Variants in DOCK8 observed in about 807,000 individuals in gnomAD.
DOCK8 encodes the protein dedicator of cytokinesis protein 8.
Under a neutral mutation model 245.6 loss-of-function variants are expected in DOCK8, and 141 were observed. The observed-to-expected ratio is 0.57, with a 90% CI of 0.50 to 0.66. DOCK8 has a LOEUF of 0.66. Ranked by LOEUF, DOCK8 falls within the 30% of genes least tolerant of loss-of-function variation. The pLI, the probability that DOCK8 is intolerant of heterozygous loss-of-function variation, is 0.00. For missense variants in DOCK8, 2,965 were observed against 2,603.4 expected (o/e 1.14, Z -3.02); for synonymous variants, 1,168 against 970.2 (o/e 1.20, Z -3.79).
chr9:307,338 G>GTTTTTTTTTTTTTTTT (rs1165775428), intron 5 of DOCK8, among the ~76,000 whole-genome samples: 4 of 51,244 alleles, frequency 7.8e-5, no homozygotes, highest in African/African-American at 1.7e-4. Context: ...GGTTTTTTTT[G>GTTTTTTTTTTTTTTTT]TTTTTTTTTT....
rs187185963 is a variant in DOCK8, at chr9:258,575, A to G, written c.54-13052A>G. On this transcript the variant is annotated intron_variant, in intron 1 of 47. Transcript: ENST00000432829. ...TTAGAAACAACATGGTAATGATGAA[A>G]GGAGCCTGAAGAGACTCTTTTTTTT... Among the ~76,000 whole-genome samples the G allele has an allele frequency of 3.9e-3, 585 of 149,732 alleles. 4 individuals carry two copies. The highest frequency in any genetic ancestry group is 5.4e-3 in the Non-Finnish European group (363 of 67,700).
intron 33 of DOCK8, among the ~76,000 whole-genome samples, chr9:424,820 T>G (rs2056420959): frequency 6.6e-6 from 1 of 152,210 alleles, no homozygotes; most frequent in Non-Finnish European, 1.5e-5. Flanking sequence ...TGGTAAATTT[T>G]TATGTTAGGT....
At chr9:245,787 G>T (rs957282053) in intron 1 of DOCK8, among the ~76,000 whole-genome samples, 5 of 152,154 alleles carry the variant, frequency 3.3e-5, no homozygotes, top group Non-Finnish European at 7.3e-5. Context: ...CCAGGTCATT[G>T]GCAGAATAGA....
chr9:329,739 C>G (rs1321460329), intron 9 of DOCK8, among the ~76,000 whole-genome samples: 1 of 152,190 alleles, frequency 6.6e-6, no homozygotes, highest in Non-Finnish European at 1.5e-5. Flanking sequence ...ACTCTACTTC[C>G]CAGTGGATGA....
At chr9:453,262 T>C (rs1216027509) in intron 46 of DOCK8, among the ~76,000 whole-genome samples, 1 of 152,260 alleles carries the variant, frequency 6.6e-6, no homozygotes, top group African/African-American at 2.4e-5. Context: ...TATTTGTGCA[T>C]GTGTGTGAAC....
At chr9:323,615 T>C (rs2130791512) in intron 7 of DOCK8, among the ~76,000 whole-genome samples, 1 of 152,220 alleles carries the variant, frequency 6.6e-6, no homozygotes, top group Admixed American at 6.5e-5. Flanking sequence ...CTCCAGGAAT[T>C]TTTCTCTTCC....
chr9:245,668 T>A (rs1318602981), intron 1 of DOCK8, among the ~76,000 whole-genome samples: 1 of 152,192 alleles, frequency 6.6e-6, no homozygotes, highest in African/African-American at 2.4e-5. Flanking sequence ...TAGGCTGGCT[T>A]CATGTGCTCT....
At chr9:387,625 G>C (rs922205320) in intron 23 of DOCK8, among the ~76,000 whole-genome samples, 30 of 152,252 alleles carry the variant, frequency 2.0e-4, no homozygotes, top group Admixed American at 8.5e-4. Context: ...GCCGGGGCCT[G>C]GTGCTGTGCA....
chr9:394,792 C>T (rs1313236775), intron 24 of DOCK8, among the ~76,000 whole-genome samples: 1 of 152,228 alleles, frequency 6.6e-6, no homozygotes, highest in Non-Finnish European at 1.5e-5. Flanking sequence ...CCCCACTCAA[C>T]AGGGCCAGGC....
chr9:355,402 C>T (rs903632437), intron 14 of DOCK8, among the ~76,000 whole-genome samples: 1 of 151,880 alleles, frequency 6.6e-6, no homozygotes, highest in East Asian at 1.9e-4. Context: ...CTGGGTTTCA[C>T]CTTGTTGGCC....
At chr9:218,797 C>T (rs1159383967) in intron 1 of DOCK8, among the ~76,000 whole-genome samples, 1 of 152,152 alleles carries the variant, frequency 6.6e-6, no homozygotes, top group Admixed American at 6.5e-5. Context: ...TGTGGACAGT[C>T]AGGATTGAAA....
intron 3 of DOCK8, among the ~76,000 whole-genome samples, chr9:287,901 C>T (rs1484880703): frequency 6.6e-6 from 1 of 152,142 alleles, no homozygotes; most frequent in Non-Finnish European, 1.5e-5. Flanking sequence ...TAGCCAGTCA[C>T]CGCAGCTTGT....
chr9:219,678 C>G (rs1246755193), intron 1 of DOCK8, among the ~76,000 whole-genome samples: 4 of 152,044 alleles, frequency 2.6e-5, no homozygotes, highest in Admixed American at 2.6e-4. Flanking sequence ...TGGTAGATGG[C>G]TCGAGCCCAG....
chr9:445,389 C>G (rs377381992), intron 43 of DOCK8, among the ~76,000 whole-genome samples: 4 of 152,142 alleles, frequency 2.6e-5, no homozygotes, highest in Admixed American at 1.3e-4. Flanking sequence ...GGTGAGTGTC[C>G]CAGCATCTGA....
intron 46 of DOCK8, chr9:460,002 A>G (rs68016896): frequency 0.08 from 12,151 of 152,250 alleles, 705 homozygotes; most frequent in South Asian, 0.2. Flanking sequence ...GGCATGGGCA[A>G]GGTTCTAGGA....
chr9:452,724 A>G (rs1587108184), intron 46 of DOCK8: 1 of 152,442 alleles, frequency 6.6e-6, no homozygotes, highest in East Asian at 1.9e-4. Context: ...TGAGAGAGGC[A>G]AGTTCTAAAA....
chr9:310,243 GC>G lies in DOCK8; in HGVS notation c.529-1709del, dbSNP rs1471786173. On this transcript the variant is annotated intron_variant, in intron 5 of 47. Transcript: ENST00000432829. ...GATTGCGCCATTGCACTCCAGCCTG[GC>G]CAAAAAATGTGAAACTCCGTCTAAA... Among the ~76,000 whole-genome samples, 4 of 146,078 alleles carry G rather than the reference GC, an allele frequency of 2.7e-5. No homozygotes were observed. The East Asian group carries it at 8.0e-4, about 29-fold the overall frequency.
chr9:389,685 C>G (rs2054100879), intron 23 of DOCK8, among the ~76,000 whole-genome samples: 1 of 151,968 alleles, frequency 6.6e-6, no homozygotes, highest in South Asian at 2.1e-4. Context: ...GGGGTGGGGC[C>G]CCCCAGTCTG....
chr9:455,586 GC>G (rs2057610118), intron 46 of DOCK8, among the ~76,000 whole-genome samples: 1 of 151,990 alleles, frequency 6.6e-6, no homozygotes, highest in Non-Finnish European at 1.5e-5. Flanking sequence ...TTTCTAACAG[GC>G]CCCCAGGTGA....
Sources: allele counts gnomAD v4.1 joint callset (sites outside exome capture counted in the v4.1 genomes callset), GRCh38; gene constraint gnomAD v4.1.1; transcripts MANE v1.5; gene names NCBI Gene and HGNC (gene_info 2026-07-23, HGNC 2026-07-21).